Variants in ITIH1 observed in about 807,000 individuals in gnomAD.
The protein encoded by ITIH1 is inter-alpha-trypsin inhibitor heavy chain H1.
In ITIH1, 94 loss-of-function variants were observed where a neutral mutation model predicts 104.6. That is an observed-to-expected ratio of 0.90 (90% CI 0.76 to 1.07). The LOEUF is 1.07. Among genes scored for constraint, ITIH1 ranks in the 50% least tolerant of loss-of-function variants. ITIH1 has a pLI of 0.00. For missense variants in ITIH1, 1,193 were observed against 1,181.4 expected, an observed-to-expected ratio of 1.01 and a Z score of -0.14; for synonymous variants, 455 against 464.4, an observed-to-expected ratio of 0.98 and a Z score of 0.26.
chr3:52,779,894 G>T lies in ITIH1; in HGVS notation c.573+300G>T. ...AATGTCCAGGTAATTTTGTAAACTA[G>T]AAAGTCCCGCGCAGCCTGAGGGCCT... On this transcript the variant is annotated intron_variant, in intron 5 of 21. Transcript: ENST00000273283. The surrounding 1 kb of genome is among the most constrained non-coding windows in gnomAD (Gnocchi z 4.4). 4 of 1,385,202 alleles carry T rather than the reference G, an allele frequency of 2.9e-6. No homozygotes were observed. Among genetic ancestry groups the T allele is most frequent in the Non-Finnish European group, 3.7e-6 (4 of 1,069,242 alleles). The allele number at this position is 1,385,202 out of a possible 1,614,324, so 85.8% of individuals were successfully genotyped here.
At chr3:52,780,044 C>A in intron 5 of ITIH1, 1 of 1,208,948 alleles carries the variant, frequency 8.3e-7, no homozygotes, top group Non-Finnish European at 1.1e-6. Flanking sequence ...TGGGTGGGTG[C>A]TGCACACAGT....
rs1444732998 is a variant in ITIH1 at position 52,789,713 on chromosome 3, G to A, written c.2180G>A (p.Gly727Asp). 6.2e-7 allele frequency: 1 copy of A among 1,614,206 alleles called. No homozygotes were observed. The highest frequency in any genetic ancestry group is 1.1e-5 in the South Asian group (1 of 91,086). The change falls in exon 19 of 22, where the codon GGC becomes GAC. Residue 727 changes from glycine (G) to aspartate (D), a missense_variant. Physicochemically the swap from Gly to Asp is moderately conservative, Grantham distance 94. Coordinates refer to ENST00000273283, the MANE Select transcript of ITIH1 (RefSeq NM_002215.4). ...NKARSPGQHD[G>D]TYFGRLGIAN... Reference sequence around the variant, plus strand: ...GCCAGGAGCCCTGGGCAGCATGACGGCACGTACTTCGGGCGGCTGGGAATC... The same window carrying A: ...GCCAGGAGCCCTGGGCAGCATGACGACACGTACTTCGGGCGGCTGGGAATC...
At chr3:52,788,479 C>A in intron 18 of ITIH1, 134 bp downstream of exon 18, 1 of 651,836 alleles carries the variant, frequency 1.5e-6, no homozygotes, top group Admixed American at 2.5e-5. Context: ...GGGCTCTGCC[C>A]GCTGCCTTCC....
At position 52,785,077 on chromosome 3, in the gene ITIH1, G is replaced by T; in HGVS notation, c.1441G>T (p.Val481Leu). 6.2e-7 allele frequency: 1 copy of T among 1,614,110 alleles called. No individual in the cohort carries two copies. The highest frequency in any genetic ancestry group is 8.5e-7 in the Non-Finnish European group (1 of 1,179,998). Residue 481 changes from valine (V) to leucine (L), a missense_variant, in exon 12 of 22, where the codon GTG becomes TTG. Coordinates refer to ENST00000273283, the MANE Select transcript of ITIH1 (RefSeq NM_002215.4). Reference protein sequence around the residue: ...FYSQVAKPLLVDVDLQYPQDA... With the variant: ...FYSQVAKPLLLDVDLQYPQDA... ...CAGCCAGGTAGCCAAACCCCTGCTG[G>T]TGGATGTGGATTTGCAGTACCCCCA...
chr3:52,790,777 A>G lies in ITIH1; in HGVS notation c.2350A>G (p.Asn784Asp), dbSNP rs373011766. 5.0e-6 allele frequency: 8 copies of G among 1,612,480 alleles called. No homozygotes were observed. In the East Asian group the frequency reaches 1.6e-4, roughly 32 times the overall value. ...GGTGGTGACCATCAACAAGAAGAGGAACCTGGTGGTGTCTGTGGACGACGG... is the reference window on the plus strand; with the variant it reads ...GGTGGTGACCATCAACAAGAAGAGGGACCTGGTGGTGTCTGTGGACGACGG... ...GVVVTINKKR[N>D]LVVSVDDGGT... Residue 784 changes from asparagine to aspartate, a missense_variant, in exon 20 of 22, where the codon AAC becomes GAC. Coordinates refer to ENST00000273283, the MANE Select transcript of ITIH1 (RefSeq NM_002215.4).
chr3:52,784,052 T>C (rs1382492206), intron 10 of ITIH1, among the ~76,000 whole-genome samples: 1 of 152,050 alleles, frequency 6.6e-6, no homozygotes, highest in African/African-American at 2.4e-5. Flanking sequence ...ATGGCAGGAT[T>C]TCGAGCAGAA....
chr3:52,791,692 T>C, intron 21 of ITIH1, 64 bp downstream of exon 21: 7 of 1,607,794 alleles, frequency 4.4e-6, no homozygotes, highest in Non-Finnish European at 6.0e-6. Context: ...CAGGTCTTCC[T>C]CCAGGTGTCA....
Position 52,787,590 on chromosome 3 carries a change from A to G in ITIH1, c.1904-2A>G. On this transcript the variant is annotated splice_acceptor_variant, in intron 15 of 21. Coordinates refer to ENST00000273283, the MANE Select transcript of ITIH1 (RefSeq NM_002215.4). LOFTEE classifies it high-confidence loss of function. ...TCGATAATATGTCCTTGTCTTCTACAGAGATGCTGGGACCCAGAAGGAGTA... is the reference window on the plus strand; with the variant it reads ...TCGATAATATGTCCTTGTCTTCTACGGAGATGCTGGGACCCAGAAGGAGTA... 2.5e-6 allele frequency: 4 copies of G among 1,614,066 alleles called. No individual in the cohort carries two copies. The highest frequency in any genetic ancestry group is 3.4e-6 in the Non-Finnish European group (4 of 1,179,890).
intron 16 of ITIH1, 81 bp downstream of exon 16, chr3:52,787,693 C>T (rs1699237404): frequency 7.7e-6 from 11 of 1,430,232 alleles, no homozygotes; most frequent in Non-Finnish European, 7.9e-6. Flanking sequence ...TCCGTTCTAG[C>T]TGTCTTCACT....
intron 18 of ITIH1, among the ~76,000 whole-genome samples, chr3:52,789,009 C>T (rs958927354): frequency 1.1e-4 from 17 of 152,214 alleles, no homozygotes; most frequent in Non-Finnish European, 1.5e-4. Flanking sequence ...GCACCTCTCT[C>T]CCAGCAGTGC....
chr3:52,778,970 G>A lies in ITIH1; in HGVS notation c.334G>A (p.Asp112Asn). ...VTADGNAFIGDIKDKVTAWKQ... is the reference protein window; with the variant it reads ...VTADGNAFIGNIKDKVTAWKQ... Reference sequence around the variant, plus strand: ...AGCAGATGGAAACGCATTTATCGGAGACATAAAGGACAAGGTGACTGCATG... The same window carrying A: ...AGCAGATGGAAACGCATTTATCGGAAACATAAAGGACAAGGTGACTGCATG... Residue 112 changes from aspartate to asparagine, a missense_variant, in exon 4 of 22, where the codon GAC (aspartate) becomes AAC (asparagine). Physicochemically the swap from Asp to Asn is conservative, Grantham distance 23 (BLOSUM62 1). Coordinates refer to ENST00000273283, the MANE Select transcript of ITIH1 (RefSeq NM_002215.4). 1 of 1,613,894 alleles carries A rather than the reference G, an allele frequency of 6.2e-7. No individual in the cohort carries two copies.
chr3:52,787,563 C>T lies in ITIH1; in HGVS notation c.1904-29C>T, dbSNP rs1265970623. The T allele has an allele frequency of 2.5e-6, 4 of 1,614,018 alleles. No individual in the cohort carries two copies. The South Asian group carries it at 4.4e-5, about 18-fold the overall frequency. On this transcript the variant is annotated intron_variant, in intron 15 of 21. Transcript: ENST00000273283. ...TGTGGGGCACCGTGGGTGACACTGT[C>T]TTCGATAATATGTCCTTGTCTTCTA... is the stretch of plus-strand genomic sequence containing the variant.
intron 12 of ITIH1, 47 bp from the exon 13 acceptor site, chr3:52,786,248 C>G: frequency 1.3e-6 from 2 of 1,545,308 alleles, no homozygotes; most frequent in Non-Finnish European, 1.8e-6. Context: ...CAGCCAGGGG[C>G]CGTGCTTATC....
chr3:52,786,304 G>T lies in ITIH1; in HGVS notation c.1603G>T (p.Glu535Ter), dbSNP rs1699198261. 1.3e-6 allele frequency: 2 copies of T among 1,569,638 alleles called. No individual in the cohort carries two copies. The highest frequency in any genetic ancestry group is 1.7e-6 in the Non-Finnish European group (2 of 1,156,046). The change falls in exon 13 of 22, where the codon GAA becomes TAA. Residue 535 changes from glutamate (E) to a stop codon, truncating the protein, a stop_gained. Coordinates refer to ENST00000273283, the MANE Select transcript of ITIH1 (RefSeq NM_002215.4). LOFTEE classifies it high-confidence loss of function. Reference sequence around the variant, plus strand: ...GTACCTCAACTCTCAGGAGGGACAAGAATTCAGTATAACCTGCCTAGTGGA... The same window carrying T: ...GTACCTCAACTCTCAGGAGGGACAATAATTCAGTATAACCTGCCTAGTGGA... ...ADVQAHGEGQ[E>*]FSITCLVDEE... is the part of the protein sequence containing the mutation.
In ITIH1 at chr3:52,778,406, T is replaced by G; in HGVS notation, c.205T>G (p.Tyr69Asp). 1 of 1,614,230 alleles carries G rather than the reference T, an allele frequency of 6.2e-7. No individual in the cohort carries two copies. ...NCKVTSRFAH[Y>D]VVTSQVVNTA... is the part of the protein sequence containing the mutation. ...CAAAGTCACCTCTCGCTTCGCCCAC[T>G]ATGTTGTCACCAGCCAAGTGGTCAA... The change falls in exon 3 of 22, where the codon TAT (tyrosine) becomes GAT (aspartate). Residue 69 changes from tyrosine (Y) to aspartate (D), a missense_variant. By Grantham distance (160) the Tyr-to-Asp change is radical. Transcript: ENST00000273283.
chr3:52,782,902 T>A (rs1343560424), intron 8 of ITIH1, 55 bp from the exon 9 acceptor site: 1 of 1,567,222 alleles, frequency 6.4e-7, no homozygotes, highest in Non-Finnish European at 8.7e-7. Context: ...TGGAAGGTGC[T>A]GTCCTGGGGC....
chr3:52,789,112 T>A (rs1286109583), intron 18 of ITIH1, among the ~76,000 whole-genome samples: 1 of 152,100 alleles, frequency 6.6e-6, no homozygotes, highest in Non-Finnish European at 1.5e-5. Flanking sequence ...CTGCAAGTGT[T>A]TGTTGTGCAC....
Position 52,788,259 on chromosome 3 carries a change from A to C in ITIH1, c.2033A>C (p.His678Pro), listed in dbSNP as rs772416956. The C allele has an allele frequency of 6.2e-7, 1 of 1,611,880 alleles. No individual in the cohort carries two copies. Among genetic ancestry groups the C allele is most frequent in the Non-Finnish European group, 8.5e-7 (1 of 1,179,028 alleles). The change falls in exon 18 of 22, where the codon CAC (histidine) becomes CCC (proline). Residue 678 changes from histidine to proline, a missense_variant. Transcript: ENST00000273283. ...GACACAGACCCTCACTTCATCATCCACGTGCCCCAGAAAGAGGACACCCTG... is the reference window on the plus strand; with the variant it reads ...GACACAGACCCTCACTTCATCATCCCCGTGCCCCAGAAAGAGGACACCCTG... ...GVDTDPHFII[H>P]VPQKEDTLCF...
In ITIH1 at chr3:52,789,745, C is replaced by A. The variant is rs1443169372; in HGVS notation, c.2212C>A (p.Pro738Thr). The change falls in exon 19 of 22, where the codon CCT becomes ACT. Residue 738 changes from proline (P) to threonine (T), a missense_variant. Physicochemically the swap from Pro to Thr is conservative, Grantham distance 38. Transcript: ENST00000273283. ...CTTCGGGCGGCTGGGAATCGCAAAC[C>A]CTGCCACGGACTTTCAGTTGGAAGT... The part of the protein sequence containing the change: ...TYFGRLGIAN[P>T]ATDFQLEVTP... The A allele has an allele frequency of 6.2e-7, 1 of 1,614,234 alleles. No homozygotes were observed. Among genetic ancestry groups the A allele is most frequent in the Non-Finnish European group, 8.5e-7 (1 of 1,180,034 alleles).
Sources: gnomAD v4.1 joint callset for allele counts (sites outside exome capture counted in the v4.1 genomes callset) on GRCh38, gnomAD v4.1.1 for gene constraint, Gnocchi (gnomAD v3.1) non-coding constraint, MANE v1.5 for transcripts, NCBI Gene and HGNC (gene_info 2026-07-23, HGNC 2026-07-21) for gene names.